Variants in CHID1 observed in about 807,000 individuals in gnomAD.
The protein encoded by CHID1 is chitinase domain containing 1, also known as chitinase domain-containing protein 1.
Under a neutral mutation model 55.4 loss-of-function variants are expected in CHID1, and 44 were observed. The ratio of observed to expected loss-of-function variants is 0.79; its 90% CI spans 0.62 to 1.02. The LOEUF is 1.02. Ranked by LOEUF, CHID1 falls within the 50% of genes least tolerant of loss-of-function variation. The pLI is 0.00. For missense variants in CHID1, 491 were observed against 515.3 expected, an observed-to-expected ratio of 0.95 and a Z score of 0.46; for synonymous variants, 216 against 212.9, an observed-to-expected ratio of 1.01 and a Z score of -0.13.
upstream of CHID1, among the ~76,000 whole-genome samples, chr11:913,681 G>C (rs547156255): frequency 2.0e-5 from 3 of 152,026 alleles, no homozygotes; most frequent in Middle Eastern, 0.01. Flanking sequence ...GCTGAGGCAT[G>C]AGAATCGCTT....
intron 3 of CHID1, among the ~76,000 whole-genome samples, chr11:902,658 T>G (rs1017405055): frequency 8.0e-6 from 1 of 125,592 alleles, no homozygotes; most frequent in Admixed American, 8.7e-5. Flanking sequence ...AACCCACCCC[T>G]CCCTGGCCCA....
Position 881,412 on chromosome 11 carries a change from G to A in CHID1, c.959+1736C>T, listed in dbSNP as rs1232578174. Among the ~76,000 whole-genome samples, 186 of 149,156 alleles carry A rather than the reference G, an allele frequency of 1.2e-3. 1 individual carries two copies. The highest frequency in any genetic ancestry group is 4.5e-3 in the African/African-American group (181 of 39,792). On this transcript the variant is annotated intron_variant, in intron 10 of 12. Coordinates refer to ENST00000323578, the MANE Select transcript of CHID1 (RefSeq NM_023947.4). The stretch of plus-strand genomic sequence containing the variant: ...GTGGTGAGGGAAAGGACCACGTCGG[G>A]CGGTAGGCTGGGTGGTGAGGGAAAG...
chr11:875,825 C>T lies in CHID1; in HGVS notation c.960-5326G>A, dbSNP rs188107643. Among the ~76,000 whole-genome samples, 84 of 152,266 alleles carry T rather than the reference C, an allele frequency of 5.5e-4. No homozygotes were observed. Among genetic ancestry groups the T allele is most frequent in the Non-Finnish European group, 6.3e-4 (43 of 68,024 alleles). ...CCTAAGATTCAATCCCTGCTGCTGC[C>T]GGCCTCCCAGACGTCCCCTGGCGGG... On this transcript the variant is annotated intron_variant, in intron 10 of 12. Coordinates refer to ENST00000323578, the MANE Select transcript of CHID1 (RefSeq NM_023947.4). This position sits in a 1 kb window ranked among gnomAD's most constrained non-coding sequence, Gnocchi z 4.7.
intron 2 of CHID1, chr11:903,904 C>T (rs968983451): frequency 8.1e-5 from 16 of 196,846 alleles, no homozygotes; most frequent in East Asian, 1.9e-4. Flanking sequence ...CCCGCCAATA[C>T]GACCCTACTG....
At chr11:913,897 T>C (rs906017486), upstream of CHID1, among the ~76,000 whole-genome samples, 5 of 152,088 alleles carry the variant, frequency 3.3e-5, no homozygotes, top group Non-Finnish European at 5.9e-5. Context: ...AAACCCCGTC[T>C]CTACTAAAAA....
At chr11:874,482 T>A (rs1313759693) in intron 10 of CHID1, among the ~76,000 whole-genome samples, 3 of 151,924 alleles carry the variant, frequency 2.0e-5, no homozygotes, top group Admixed American at 1.3e-4. Flanking sequence ...AAAGATAGGG[T>A]CTTGTTCTGT....
chr11:903,176 A>C (rs1589896295), intron 2 of CHID1, 65 bp from the exon 3 acceptor site: 1 of 1,518,310 alleles, frequency 6.6e-7, no homozygotes. Flanking sequence ...ACAGAGCCCC[A>C]CCCAGCAAGT....
chr11:885,565 G>A (rs937050714), intron 8 of CHID1, among the ~76,000 whole-genome samples: 25 of 152,142 alleles, frequency 1.6e-4, no homozygotes, highest in African/African-American at 5.5e-4. Context: ...CCAGCACTAT[G>A]CCCATCACTC....
chr11:888,115 C>T (rs114625142), intron 8 of CHID1, among the ~76,000 whole-genome samples: 3,278 of 152,370 alleles, frequency 0.022, 108 homozygotes, highest in African/African-American at 0.074. Context: ...ATTTTCCCTT[C>T]GGGGCTCACG....
At chr11:873,505 A>G (rs886509763) in intron 10 of CHID1, among the ~76,000 whole-genome samples, 2 of 152,102 alleles carry the variant, frequency 1.3e-5, no homozygotes, top group African/African-American at 4.8e-5. Flanking sequence ...GGGAGGAAGG[A>G]AGGGCCACAG....
intron 1 of CHID1, among the ~76,000 whole-genome samples, chr11:905,307 G>A (rs1472553123): frequency 6.6e-6 from 1 of 152,282 alleles, no homozygotes; most frequent in Admixed American, 6.5e-5. Flanking sequence ...GGGAGACCGA[G>A]GTGGGAAGAT....
intron 2 of CHID1, among the ~76,000 whole-genome samples, chr11:903,993 G>A (rs911643387): frequency 3.9e-5 from 6 of 151,922 alleles, no homozygotes; most frequent in South Asian, 2.1e-4. Context: ...TGGCCAATGC[G>A]AGTCTTTTCC....
chr11:901,289 A>G (rs544273290), intron 4 of CHID1, among the ~76,000 whole-genome samples: 1 of 152,242 alleles, frequency 6.6e-6, no homozygotes, highest in East Asian at 1.9e-4. Flanking sequence ...GCTGCATCCT[A>G]GGGCCTGGGG....
chr11:908,717 T>C lies in CHID1; in HGVS notation c.-44+2058A>G, dbSNP rs943198788. The C allele has an allele frequency of 7.3e-6, 4 of 548,676 alleles. No individual in the cohort carries two copies. In the Admixed American group the frequency reaches 1.9e-4, roughly 26 times the overall value. The allele number at this position is 548,676 out of a possible 1,614,324, so 34.0% of individuals were successfully genotyped here. A position where few individuals can be genotyped will look rare whatever the true frequency, so the allele number is the denominator to read the frequency against. On this transcript the variant is annotated intron_variant, in intron 1 of 12. Transcript: ENST00000323578. ...TCCAGGGGACTGGCCCAGGAGTAAC[T>C]GGAGGGCACACTCAGGTACCCAGTG...
chr11:901,831 G>A (rs1589891823), intron 4 of CHID1, among the ~76,000 whole-genome samples: 1 of 152,084 alleles, frequency 6.6e-6, no homozygotes, highest in South Asian at 2.1e-4. Context: ...GGCCTGCCCT[G>A]CTCCACACTC....
At chr11:912,643 GACC>G (rs1311548986), upstream of CHID1, among the ~76,000 whole-genome samples, 1 of 152,132 alleles carries the variant, frequency 6.6e-6, no homozygotes, top group African/African-American at 2.4e-5. Flanking sequence ...AGGAGATCGA[GACC>G]ATCCTGATTA....
intron 8 of CHID1, among the ~76,000 whole-genome samples, chr11:887,112 C>T (rs555795555): frequency 6.6e-6 from 1 of 152,326 alleles, no homozygotes; most frequent in African/African-American, 2.4e-5. Flanking sequence ...CGGCTCACTA[C>T]AGCCTCAAGA....
At chr11:902,696 A>G (rs992819023) in intron 3 of CHID1, among the ~76,000 whole-genome samples, 1 of 151,950 alleles carries the variant, frequency 6.6e-6, no homozygotes, top group African/African-American at 2.4e-5. Flanking sequence ...CCACTTCCTG[A>G]CCCCAGACGA....
chr11:901,004 C>A (rs1470773990), intron 4 of CHID1, 24 bp from the exon 5 acceptor site: 1 of 1,587,288 alleles, frequency 6.3e-7, no homozygotes, highest in East Asian at 2.4e-5. Flanking sequence ...AGGGGACAGT[C>A]AACACAGGCA....
Sources: gnomAD v4.1 joint callset for allele counts (sites outside exome capture counted in the v4.1 genomes callset) on GRCh38, gnomAD v4.1.1 for gene constraint, Gnocchi (gnomAD v3.1) non-coding constraint, MANE v1.5 for transcripts, NCBI Gene and HGNC (gene_info 2026-07-23, HGNC 2026-07-21) for gene names.